ZNF638: variants seen among roughly 807,000 people sequenced by gnomAD.
ZNF638 encodes the protein CTCL tumor antigen se33-1.
A neutral mutation model predicts 195.6 loss-of-function variants in ZNF638; 46 were observed. The ratio of observed to expected loss-of-function variants is 0.24; its 90% CI spans 0.19 to 0.30. The LOEUF is 0.30. Among genes scored for constraint, ZNF638 ranks in the 10% least tolerant of loss-of-function variants. The pLI, the probability that ZNF638 is intolerant of heterozygous loss-of-function variation, is 1.00. For missense variants in ZNF638, 2,440 were observed against 2,325.3 expected, an observed-to-expected ratio of 1.05 and a Z score of -1.01; for synonymous variants, 845 against 772.0, an observed-to-expected ratio of 1.09 and a Z score of -1.57.
At position 71,423,285 on chromosome 2, in the gene ZNF638, T is replaced by C; in HGVS notation, c.3771T>C (p.Thr1257=). ...ATTTCATTTCTGGAATTACACAGAC[T>C]ATGGTAGAAGCTGTAGCTGAAGTAG... ...AEDFISGITQ[T]MVEAVAEVEK... Residue 1257 remains threonine, a synonymous_variant, in exon 22 of 28, where the codon ACT becomes ACC. Transcript: ENST00000264447. 1.2e-6 allele frequency: 2 copies of C among 1,613,992 alleles called. No homozygotes were observed. Among genetic ancestry groups the C allele is most frequent in the Non-Finnish European group, 1.7e-6 (2 of 1,179,984 alleles).
At chr2:71,344,092 T>C (rs943932290) in intron 1 of ZNF638, among the ~76,000 whole-genome samples, 13 of 152,086 alleles carry the variant, frequency 8.5e-5, no homozygotes, top group Non-Finnish European at 2.9e-5. Context: ...ATCACGCCAC[T>C]GCACTCCAGC....
At chr2:71,358,227 C>G (rs1375349145) in intron 3 of ZNF638, among the ~76,000 whole-genome samples, 2 of 152,142 alleles carry the variant, frequency 1.3e-5, no homozygotes, top group Non-Finnish European at 2.9e-5. Context: ...TTGGATAATT[C>G]AGGATGATTT....
At chr2:71,429,023 A>G (rs1349866065) in intron 25 of ZNF638, 1 of 168,862 alleles carries the variant, frequency 5.9e-6, no homozygotes, top group Non-Finnish European at 1.3e-5. Context: ...TTAACTTGAA[A>G]CAAATAAGGA....
At chr2:71,351,494 T>G (rs2078939741) in intron 2 of ZNF638, among the ~76,000 whole-genome samples, 2 of 152,214 alleles carry the variant, frequency 1.3e-5, no homozygotes, top group African/African-American at 4.8e-5. Context: ...TAAGTAGCCC[T>G]GGCCTAAGTA....
At chr2:71,425,155 A>T (rs2080512867) in intron 23 of ZNF638, among the ~76,000 whole-genome samples, 1 of 152,210 alleles carries the variant, frequency 6.6e-6, no homozygotes, top group South Asian at 2.1e-4. Flanking sequence ...CTTTACTGGT[A>T]CCAAGTTCTG....
At chr2:71,421,794 A>G (rs956596118) in intron 21 of ZNF638, among the ~76,000 whole-genome samples, 9 of 152,118 alleles carry the variant, frequency 5.9e-5, no homozygotes, top group Middle Eastern at 3.2e-3. Context: ...TATTTGGTAA[A>G]TTTTAATTTG....
At chr2:71,390,130 G>A (rs1573101762) in intron 10 of ZNF638, among the ~76,000 whole-genome samples, 1 of 152,006 alleles carries the variant, frequency 6.6e-6, no homozygotes, top group Admixed American at 6.6e-5. Context: ...AAGGGGAAAC[G>A]TTGGGCAAAT....
At position 71,426,820 on chromosome 2, in the gene ZNF638, C is replaced by G. The variant is rs750921673; in HGVS notation, c.4951C>G (p.Gln1651Glu). The change falls in exon 24 of 28, where the codon CAA becomes GAA. Residue 1651 changes from glutamine (Q) to glutamate (E), a missense_variant. Transcript: ENST00000264447. ...SLFTLDELID[Q>E]DDCISHSEPK... ...TTTTACATTAGATGAATTAATTGACCAAGATGATTGCATTTCCCACAGTGA... is the reference window on the plus strand; with the variant it reads ...TTTTACATTAGATGAATTAATTGACGAAGATGATTGCATTTCCCACAGTGA... The G allele has an allele frequency of 1.7e-5, 27 of 1,613,054 alleles. No homozygotes were observed. Among genetic ancestry groups the G allele is most frequent in the Non-Finnish European group, 2.0e-5 (24 of 1,179,498 alleles).
intron 15 of ZNF638, 96 bp downstream of exon 15, chr2:71,400,614 G>A: frequency 1.0e-6 from 1 of 993,200 alleles, no homozygotes; most frequent in Non-Finnish European, 1.5e-6. Flanking sequence ...CATGGTATTT[G>A]GCATGTGAGA....
intron 21 of ZNF638, among the ~76,000 whole-genome samples, chr2:71,419,974 C>CCTTTTT (rs1189202093): frequency 3.7e-5 from 1 of 27,022 alleles, no homozygotes; most frequent in African/African-American, 1.6e-4. Flanking sequence ...CCCCCCCCGC[C>CCTTTTT]TTTTTTTTTT....
At chr2:71,408,568 T>C (rs2080150335) in intron 20 of ZNF638, 2 of 300,708 alleles carry the variant, frequency 6.7e-6, no homozygotes, top group Admixed American at 5.1e-5. Flanking sequence ...CCATTTTGGC[T>C]TCCTCTGGGT....
chr2:71,387,689 A>G (rs957785025), intron 10 of ZNF638, among the ~76,000 whole-genome samples: 4 of 152,194 alleles, frequency 2.6e-5, no homozygotes, highest in African/African-American at 9.7e-5. Context: ...AAGTGCTTAT[A>G]TCAAACTGCA....
At chr2:71,407,881 T>C (rs1335616847) in intron 19 of ZNF638, 1 of 335,572 alleles carries the variant, frequency 3.0e-6, no homozygotes, top group Non-Finnish European at 5.4e-6. Flanking sequence ...GAGTAATAAT[T>C]CTGTTTTACG....
intron 21 of ZNF638, among the ~76,000 whole-genome samples, chr2:71,420,117 A>C (rs185552161): frequency 6.6e-6 from 1 of 151,082 alleles, no homozygotes; most frequent in Admixed American, 6.6e-5. Flanking sequence ...TTTTAGAGAC[A>C]GGGTCTTGCT....
chr2:71,352,409 A>G (rs887878428), intron 2 of ZNF638, among the ~76,000 whole-genome samples: 37 of 151,668 alleles, frequency 2.4e-4, no homozygotes, highest in African/African-American at 7.7e-4. Flanking sequence ...CCCAGGAGGC[A>G]GAAGGTTGCA....
At chr2:71,342,217 T>TC (rs1553464825) in intron 1 of ZNF638, among the ~76,000 whole-genome samples, 1 of 15,860 alleles carries the variant, frequency 6.3e-5, no homozygotes, top group African/African-American at 2.0e-4. Context: ...AGACTCTGTC[T>TC]CAAAAAAAAA....
At chr2:71,404,067 G>C in intron 17 of ZNF638, 69 bp downstream of exon 17, 1 of 1,458,076 alleles carries the variant, frequency 6.9e-7, no homozygotes. Context: ...AGTCTGTTAT[G>C]TTTTCTAGTT....
chr2:71,358,655 A>G (rs887539376), intron 3 of ZNF638, among the ~76,000 whole-genome samples: 1 of 152,202 alleles, frequency 6.6e-6, no homozygotes, highest in African/African-American at 2.4e-5. Context: ...GTGTCTCCTA[A>G]CCAGGCCTCA....
intron 10 of ZNF638, chr2:71,395,243 C>T (rs1244358545): frequency 1.4e-6 from 1 of 717,236 alleles, no homozygotes; most frequent in South Asian, 1.5e-5. Flanking sequence ...TTTACTAATT[C>T]TAGGATGCAA....
Sources: gnomAD v4.1 joint callset for allele counts (sites outside exome capture counted in the v4.1 genomes callset) on GRCh38, gnomAD v4.1.1 for gene constraint, MANE v1.5 for transcripts, NCBI Gene and HGNC (gene_info 2026-07-23, HGNC 2026-07-21) for gene names.